MECOM: variants seen among roughly 807,000 people sequenced by gnomAD.
The protein encoded by MECOM is MDS1 and EVI1 complex locus.
In MECOM, 13 loss-of-function variants were observed where a neutral mutation model predicts 116.3. That is an observed-to-expected ratio of 0.11 (90% confidence interval 0.07 to 0.18). The LOEUF is 0.18. MECOM is among the 10% of genes least tolerant of loss of function. The pLI is 1.00. For synonymous variants in MECOM, 528 were observed against 535.2 expected, an observed-to-expected ratio of 0.99 and a Z score of 0.19; for missense variants, 1,299 against 1,509.0, an observed-to-expected ratio of 0.86 and a Z score of 2.31.
At chr3:169,459,533 A>G (rs1747073076) in intron 1 of MECOM, among the ~76,000 whole-genome samples, 1 of 152,234 alleles carries the variant, frequency 6.6e-6, no homozygotes, top group Non-Finnish European at 1.5e-5. Context: ...TTTAGTTTTC[A>G]ATTATTACTG....
intron 3 of MECOM, among the ~76,000 whole-genome samples, chr3:169,140,206 T>C (rs1737690641): frequency 6.6e-6 from 1 of 152,092 alleles, no homozygotes; most frequent in Non-Finnish European, 1.5e-5. Context: ...CCAAGGATAA[T>C]TTCAGGTTGT....
chr3:169,090,370 C>G, intron 14 of MECOM, 134 bp from the exon 15 acceptor site: 1 of 739,612 alleles, frequency 1.4e-6, no homozygotes, highest in South Asian at 1.9e-5. Flanking sequence ...ATTGTTTATG[C>G]TCTACGTCAA....
chr3:169,591,120 G>C (rs1471370894), intron 1 of MECOM, among the ~76,000 whole-genome samples: 1 of 152,122 alleles, frequency 6.6e-6, no homozygotes, highest in Non-Finnish European at 1.5e-5. Context: ...GAATGACATG[G>C]AACACTACCT....
At chr3:169,597,233 G>C (rs1767245438) in intron 1 of MECOM, among the ~76,000 whole-genome samples, 1 of 152,174 alleles carries the variant, frequency 6.6e-6, no homozygotes, top group African/African-American at 2.4e-5. Flanking sequence ...TAAGGAGCCG[G>C]GTGGAGAGTC....
chr3:169,526,034 A>G (rs1757932548), intron 1 of MECOM, among the ~76,000 whole-genome samples: 4 of 45,980 alleles, frequency 8.7e-5, no homozygotes, highest in South Asian at 8.8e-4. Flanking sequence ...ATCTTGAAGG[A>G]AAAAAAAAAA....
intron 2 of MECOM, among the ~76,000 whole-genome samples, chr3:169,186,978 T>G (rs141810619): frequency 0.018 from 2,699 of 152,298 alleles, 37 homozygotes; most frequent in Non-Finnish European, 0.028. Flanking sequence ...TGATCAATAT[T>G]CAGTAGGTAG....
At chr3:169,342,385 T>C (rs1577783529) in intron 2 of MECOM, among the ~76,000 whole-genome samples, 1 of 152,178 alleles carries the variant, frequency 6.6e-6, no homozygotes, top group East Asian at 1.9e-4. Flanking sequence ...ATATTAATAA[T>C]AATAGTATAT....
In MECOM at chr3:169,126,770, C is replaced by T. The variant is rs529325133; in HGVS notation, c.830+1074G>A. ...AGATGAAATCCTTTCCTAAAAGAGG[C>T]GTAACCAGGAGAAGAGGATATAGGG... is the stretch of plus-strand genomic sequence containing the variant. On this transcript the variant is annotated intron_variant, in intron 5 of 16. Coordinates refer to ENST00000651503, the MANE Select transcript of MECOM (RefSeq NM_004991.4). 1.3e-4 allele frequency among the ~76,000 whole-genome samples: 19 copies of T among 151,710 alleles called. No individual in the cohort carries two copies. The South Asian group carries it at 2.3e-3, about 18-fold the overall frequency.
Position 169,115,762 on chromosome 3 carries a change from A to G in MECOM, c.2110T>C (p.Ser704Pro). 1 of 1,614,188 alleles carries G rather than the reference A, an allele frequency of 6.2e-7. No homozygotes were observed. Among genetic ancestry groups the G allele is most frequent in the Non-Finnish European group, 8.5e-7 (1 of 1,180,016 alleles). The change falls in exon 8 of 17, where the codon TCT becomes CCT. Residue 704 changes from serine to proline, a missense_variant. Transcript: ENST00000651503. ...TCAGGAAATGGGTACATTGATTGAGAGAATGCTGGAAAAAATGGGAGGGGA... is the reference window on the plus strand; with the variant it reads ...TCAGGAAATGGGTACATTGATTGAGGGAATGCTGGAAAAAATGGGAGGGGA... ...MFPLPFFPAFSQSMYPFPDRD... is the reference protein window; with the variant it reads ...MFPLPFFPAFPQSMYPFPDRD...
Position 169,115,895 on chromosome 3 carries a change from A to T in MECOM, c.1977T>A (p.Asn659Lys), listed in dbSNP as rs1199407138. Residue 659 changes from asparagine to lysine, a missense_variant, in exon 8 of 17, where the codon AAT becomes AAA. Transcript: ENST00000651503. ...EEQTAVSGAV[N>K]DSIKAIASIA... Reference sequence around the variant, plus strand: ...TAGAAGCAATAGCCTTTATAGAATCATTCACAGCTCCTGACACCGCAGTCT... The same window carrying T: ...TAGAAGCAATAGCCTTTATAGAATCTTTCACAGCTCCTGACACCGCAGTCT... The T allele has an allele frequency of 2.5e-6, 4 of 1,614,110 alleles. No homozygotes were observed. The Admixed American group carries it at 6.7e-5, about 27-fold the overall frequency.
intron 2 of MECOM, among the ~76,000 whole-genome samples, chr3:169,171,289 G>A (rs1744367202): frequency 6.6e-6 from 1 of 152,204 alleles, no homozygotes; most frequent in East Asian, 1.9e-4. Flanking sequence ...TGGTTCTCAT[G>A]AATAAACCTA....
intron 2 of MECOM, among the ~76,000 whole-genome samples, chr3:169,303,591 A>G (rs1317635674): frequency 6.6e-6 from 1 of 152,226 alleles, no homozygotes; most frequent in Non-Finnish European, 1.5e-5. Context: ...TAAGGCATTC[A>G]AACTCAATTT....
In MECOM at chr3:169,084,453, G is replaced by A. The variant is rs1174548516; in HGVS notation, c.*456C>T. The A allele has an allele frequency of 8.6e-6, 2 of 232,486 alleles. No homozygotes were observed. The highest frequency in any genetic ancestry group is 1.7e-5 in the Non-Finnish European group (2 of 117,814). 14.4% of individuals were successfully genotyped at this position (232,486 alleles called of 1,614,324 possible). On this transcript the variant is annotated 3_prime_UTR_variant, in exon 17 of 17. Transcript: ENST00000651503. ...GGGTTAAATTACATAAAACTTTAAC[G>A]AAGAAAAAAATTAAATCTGTAATTA...
intron 2 of MECOM, among the ~76,000 whole-genome samples, chr3:169,292,453 C>T (rs1201580078): frequency 6.6e-6 from 1 of 152,180 alleles, no homozygotes; most frequent in Non-Finnish European, 1.5e-5. Context: ...CTTCCTGAAA[C>T]TCAGGATTGA....
chr3:169,619,742 G>A (rs764762148), intron 1 of MECOM, among the ~76,000 whole-genome samples: 3 of 152,028 alleles, frequency 2.0e-5, no homozygotes, highest in Non-Finnish European at 4.4e-5. Flanking sequence ...CTCCCCTTCT[G>A]CCCAAGAATT....
At chr3:169,092,428 T>C (rs1262325193) in intron 14 of MECOM, among the ~76,000 whole-genome samples, 1 of 151,902 alleles carries the variant, frequency 6.6e-6, no homozygotes, top group Non-Finnish European at 1.5e-5. Flanking sequence ...ATATTACATA[T>C]ATACAGAATA....
At chr3:169,135,739 C>A (rs1736166721) in intron 3 of MECOM, among the ~76,000 whole-genome samples, 1 of 151,684 alleles carries the variant, frequency 6.6e-6, no homozygotes, top group Non-Finnish European at 1.5e-5. Context: ...TTTTATTTTT[C>A]TATGAAGCAA....
chr3:169,301,879 T>G (rs536983998), intron 2 of MECOM, among the ~76,000 whole-genome samples: 1 of 151,996 alleles, frequency 6.6e-6, no homozygotes, highest in African/African-American at 2.4e-5. Context: ...TTCCTTCAAG[T>G]ATAAATCAAT....
At chr3:169,598,497 G>A (rs1004598938) in intron 1 of MECOM, among the ~76,000 whole-genome samples, 1 of 152,200 alleles carries the variant, frequency 6.6e-6, no homozygotes, top group Non-Finnish European at 1.5e-5. Context: ...GAAGATAGCA[G>A]AACAAAGTCT....
Sources: gnomAD v4.1 joint callset for allele counts (sites outside exome capture counted in the v4.1 genomes callset) on GRCh38, gnomAD v4.1.1 for gene constraint, MANE v1.5 for transcripts, NCBI Gene and HGNC (gene_info 2026-07-23, HGNC 2026-07-21) for gene names.